The following TRPC7 variants were observed in gnomAD, a reference collection of about 807,000 sequenced individuals.
The protein encoded by TRPC7 is short transient receptor potential channel 7.
TRPC7 carries 42 observed loss-of-function variants against 90.1 expected under a neutral mutation model. The observed-to-expected ratio is 0.47, with a 90% confidence interval of 0.36 to 0.60. TRPC7 has a LOEUF of 0.60. Among genes scored for constraint, TRPC7 ranks in the 20% least tolerant of loss-of-function variants. TRPC7 has a pLI of 0.00. For missense variants in TRPC7, 955 were observed against 1,112.3 expected, an observed-to-expected ratio of 0.86 and a Z score of 2.01; for synonymous variants, 451 against 436.3, an observed-to-expected ratio of 1.03 and a Z score of -0.42.
chr5:136,363,998 T>C (rs565102557), intron 1 of TRPC7, among the ~76,000 whole-genome samples: 36 of 152,332 alleles, frequency 2.4e-4, no homozygotes, highest in Middle Eastern at 3.4e-3. Flanking sequence ...CTTTTGATGA[T>C]TTCACTGACC....
At chr5:136,355,547 T>C (rs372269533) in intron 2 of TRPC7, among the ~76,000 whole-genome samples, 2 of 152,132 alleles carry the variant, frequency 1.3e-5, no homozygotes, top group East Asian at 3.9e-4. Context: ...GCCTATAATC[T>C]CAGCACTTTG....
At chr5:136,322,221 G>A (rs1357099869) in intron 2 of TRPC7, among the ~76,000 whole-genome samples, 16 of 152,056 alleles carry the variant, frequency 1.1e-4, no homozygotes, top group Admixed American at 1.0e-3. Flanking sequence ...CACCATGTTG[G>A]TCAGGCTGGT....
chr5:136,261,205 T>C (rs187543849), intron 5 of TRPC7, among the ~76,000 whole-genome samples: 91 of 152,338 alleles, frequency 6.0e-4, no homozygotes, highest in African/African-American at 1.9e-3. Context: ...ATTTTTATAA[T>C]AATTAAAGAG....
chr5:136,257,915 T>C (rs1467505754), intron 5 of TRPC7, among the ~76,000 whole-genome samples: 1 of 152,182 alleles, frequency 6.6e-6, no homozygotes, highest in African/African-American at 2.4e-5. Flanking sequence ...AGGCTGTAAC[T>C]TAAGAGTGAT....
chr5:136,314,532 G>A (rs1208146540), intron 3 of TRPC7, among the ~76,000 whole-genome samples: 2 of 152,098 alleles, frequency 1.3e-5, no homozygotes, highest in Non-Finnish European at 2.9e-5. Context: ...AGAGTCTTAG[G>A]CAAAGTTGTT....
intron 1 of TRPC7, among the ~76,000 whole-genome samples, chr5:136,364,255 G>A (rs1760657513): frequency 2.0e-5 from 3 of 152,190 alleles, no homozygotes; most frequent in African/African-American, 7.2e-5. Context: ...GCCTAAAGGA[G>A]TTATCTAGTC....
intron 5 of TRPC7, among the ~76,000 whole-genome samples, chr5:136,261,372 C>T (rs1025572964): frequency 2.6e-5 from 4 of 152,170 alleles, no homozygotes; most frequent in Admixed American, 6.5e-5. Context: ...AAAATAACTT[C>T]TACATGTTCC....
Position 136,356,796 on chromosome 5 carries a change from A to G in TRPC7, c.592T>C (p.Cys198Arg), listed in dbSNP as rs1365353279. The change falls in exon 2 of 12, where the codon TGC (cysteine) becomes CGC (arginine). Residue 198 changes from cysteine to arginine, a missense_variant. Cys to Arg is a radical substitution (Grantham distance 180). This residue lies in a region of TRPC7 where 484 missense variants were observed against 509.6 expected (regional missense o/e 0.95). Coordinates refer to ENST00000513104, the MANE Select transcript of TRPC7 (RefSeq NM_020389.3). ...ARIERPHDYFCKCNECTEKQR... is the reference protein window; with the variant it reads ...ARIERPHDYFRKCNECTEKQR... ...TTCTCGGTGCACTCATTGCACTTGCAGAAGTAGTCGTGGGGCCGCTCGATG... is the reference window on the plus strand; with the variant it reads ...TTCTCGGTGCACTCATTGCACTTGCGGAAGTAGTCGTGGGGCCGCTCGATG... The G allele has an allele frequency of 1.2e-6, 2 of 1,612,624 alleles. No individual in the cohort carries two copies. The highest frequency in any genetic ancestry group is 1.7e-6 in the Non-Finnish European group (2 of 1,179,148).
chr5:136,361,740 C>A (rs761947978), intron 1 of TRPC7, among the ~76,000 whole-genome samples: 15 of 152,242 alleles, frequency 9.9e-5, no homozygotes, highest in South Asian at 6.2e-4. Flanking sequence ...CAAACAGAAT[C>A]TAGGAGTCAG....
intron 2 of TRPC7, among the ~76,000 whole-genome samples, chr5:136,326,211 G>A (rs540908905): frequency 5.9e-5 from 9 of 152,256 alleles, no homozygotes; most frequent in South Asian, 2.1e-4. Flanking sequence ...CTTCATTACC[G>A]TATTTCTTTC....
chr5:136,214,669 A>G (rs1755203549), intron 11 of TRPC7, among the ~76,000 whole-genome samples: 1 of 152,180 alleles, frequency 6.6e-6, no homozygotes, highest in African/African-American at 2.4e-5. Context: ...ACAAGTAGGT[A>G]GGTGGGCTGT....
At chr5:136,297,850 C>T (rs1369249208) in intron 3 of TRPC7, among the ~76,000 whole-genome samples, 1 of 152,148 alleles carries the variant, frequency 6.6e-6, no homozygotes, top group African/African-American at 2.4e-5. Context: ...CATTTTGATC[C>T]TCAAGAGAGC....
At chr5:136,340,930 TTCTC>T (rs1206013241) in intron 2 of TRPC7, among the ~76,000 whole-genome samples, 1 of 152,186 alleles carries the variant, frequency 6.6e-6, no homozygotes, top group Non-Finnish European at 1.5e-5. Context: ...GAGATACTGT[TTCTC>T]TCCTACAAAA....
intron 2 of TRPC7, among the ~76,000 whole-genome samples, chr5:136,323,713 A>G (rs1405489077): frequency 6.6e-6 from 1 of 151,916 alleles, no homozygotes; most frequent in East Asian, 1.9e-4. Flanking sequence ...ACTAATTCCC[A>G]CTGTCTTTAT....
chr5:136,267,092 T>G (rs1757058365), intron 4 of TRPC7, among the ~76,000 whole-genome samples: 1 of 152,212 alleles, frequency 6.6e-6, no homozygotes, highest in Non-Finnish European at 1.5e-5. Flanking sequence ...TTATAGAACA[T>G]AGCCTCTATG....
chr5:136,356,506 C>G lies in TRPC7; in HGVS notation c.780+102G>C, dbSNP rs572025788. ...GGGCCTGCTCAGTAAGATCCTGAAG[C>G]TTCCCTCTTTCTTAGATTTGAAGAC... On this transcript the variant is annotated intron_variant, in intron 2 of 11. Transcript: ENST00000513104. The G allele has an allele frequency of 7.3e-6, 9 of 1,229,946 alleles. No homozygotes were observed. In the African/African-American group the frequency reaches 7.6e-5, roughly 10 times the overall value. The allele number at this position is 1,229,946 out of a possible 1,614,324, so 76.2% of individuals were successfully genotyped here.
intron 8 of TRPC7, among the ~76,000 whole-genome samples, chr5:136,230,420 A>G (rs1755778557): frequency 6.6e-6 from 1 of 152,282 alleles, no homozygotes; most frequent in South Asian, 2.1e-4. Context: ...TACAATCACA[A>G]ATGAATCACA....
intron 2 of TRPC7, among the ~76,000 whole-genome samples, chr5:136,337,344 C>G (rs954072587): frequency 6.6e-6 from 1 of 152,106 alleles, no homozygotes; most frequent in Admixed American, 6.6e-5. Flanking sequence ...TGAACATTTC[C>G]TGGAGCTCAC....
At chr5:136,302,257 C>A (rs1758423790) in intron 3 of TRPC7, among the ~76,000 whole-genome samples, 1 of 152,220 alleles carries the variant, frequency 6.6e-6, no homozygotes, top group African/African-American at 2.4e-5. Flanking sequence ...CGCAGGGACG[C>A]CTGCCTTGGT....
Sources: allele counts gnomAD v4.1 joint callset (sites outside exome capture counted in the v4.1 genomes callset), GRCh38; gene constraint gnomAD v4.1.1; regional missense constraint gnomAD v4.1.1; transcripts MANE v1.5; gene names NCBI Gene and HGNC (gene_info 2026-07-23, HGNC 2026-07-21).